The following ITGA9 variants were observed in gnomAD, a reference collection of about 807,000 sequenced individuals.
The protein encoded by ITGA9 is integrin alpha-9.
In ITGA9, 56 loss-of-function variants were observed where a neutral mutation model predicts 127.8. The ratio of observed to expected loss-of-function variants is 0.44; its 90% confidence interval spans 0.35 to 0.55. ITGA9 has a LOEUF of 0.55. Among genes scored for constraint, ITGA9 ranks in the 20% least tolerant of loss-of-function variants. ITGA9 has a pLI of 0.00. For missense variants in ITGA9, 1,196 were observed against 1,347.1 expected, an observed-to-expected ratio of 0.89 and a Z score of 1.76; for synonymous variants, 508 against 514.5, an observed-to-expected ratio of 0.99 and a Z score of 0.17.
rs78640218 is a variant in ITGA9, at chr3:37,777,142, A to T, written c.2542-250A>T. Among the ~76,000 whole-genome samples the T allele has an allele frequency of 0.025, 3,813 of 152,294 alleles. 71 individuals carry two copies. The highest frequency in any genetic ancestry group is 0.037 in the Non-Finnish European group (2,540 of 68,024). ...TTAAGTCTTCCTATTTCCTAGTCAC[A>T]TCTCATTTGCATGTTATATGCCATC... is the stretch of plus-strand genomic sequence containing the variant. On this transcript the variant is annotated intron_variant, in intron 23 of 27. Transcript: ENST00000264741.
chr3:37,611,836 A>C (rs1039577685), intron 15 of ITGA9, among the ~76,000 whole-genome samples: 1 of 152,006 alleles, frequency 6.6e-6, no homozygotes, highest in Non-Finnish European at 1.5e-5. Flanking sequence ...CTGTAAAAGC[A>C]GAGAACACTG....
chr3:37,653,569 A>C, intron 16 of ITGA9, 145 bp from the exon 17 acceptor site: 4 of 754,166 alleles, frequency 5.3e-6, no homozygotes, highest in Non-Finnish European at 9.8e-6. Flanking sequence ...CCCACGCTGG[A>C]GAGCTGGCTT....
At chr3:37,788,415 G>A (rs1697066824) in intron 26 of ITGA9, among the ~76,000 whole-genome samples, 1 of 152,024 alleles carries the variant, frequency 6.6e-6, no homozygotes, top group South Asian at 2.1e-4. Context: ...TTTCTCCACT[G>A]CAAAAAATAA....
chr3:37,612,996 G>A (rs1700038294), intron 15 of ITGA9, among the ~76,000 whole-genome samples: 2 of 151,040 alleles, frequency 1.3e-5, no homozygotes, highest in Admixed American at 6.6e-5. Flanking sequence ...AAGTTTTAGG[G>A]TACATGTGCA....
intron 18 of ITGA9, among the ~76,000 whole-genome samples, chr3:37,726,891 G>A (rs1696213101): frequency 6.6e-6 from 1 of 152,184 alleles, no homozygotes; most frequent in Non-Finnish European, 1.5e-5. Context: ...GATCCTGAGA[G>A]TAATGTGCAG....
intron 2 of ITGA9, 21 bp downstream of exon 2, chr3:37,471,155 TGG>T: frequency 6.2e-7 from 1 of 1,612,384 alleles, no homozygotes; most frequent in South Asian, 1.1e-5. Flanking sequence ...ATTACTGCTG[TGG>T]TGGAAATGGG....
chr3:37,709,696 C>T (rs1219116022), intron 18 of ITGA9, among the ~76,000 whole-genome samples: 1 of 152,216 alleles, frequency 6.6e-6, no homozygotes, highest in African/African-American at 2.4e-5. Flanking sequence ...CAGAAGAAGG[C>T]GTCAGACCTC....
At chr3:37,627,938 C>T (rs1434862114) in intron 15 of ITGA9, among the ~76,000 whole-genome samples, 3 of 152,292 alleles carry the variant, frequency 2.0e-5, no homozygotes, top group East Asian at 3.9e-4. Context: ...GCACATCTGC[C>T]TCTGGGGAAG....
At chr3:37,785,747 G>A (rs930172093) in intron 26 of ITGA9, among the ~76,000 whole-genome samples, 4 of 152,148 alleles carry the variant, frequency 2.6e-5, no homozygotes, top group African/African-American at 9.7e-5. Flanking sequence ...CCAAAACACT[G>A]AGATTACAGG....
At chr3:37,619,311 A>G (rs1031194659) in intron 15 of ITGA9, among the ~76,000 whole-genome samples, 8 of 152,214 alleles carry the variant, frequency 5.3e-5, no homozygotes, top group African/African-American at 1.9e-4. Context: ...TTTTAAGCCC[A>G]CAAATTAAGT....
chr3:37,743,628 GTA>G (rs1309832797), intron 21 of ITGA9, among the ~76,000 whole-genome samples: 2 of 152,174 alleles, frequency 1.3e-5, no homozygotes, highest in South Asian at 4.1e-4. Flanking sequence ...AACAGAAAAT[GTA>G]TACTTTTATA....
At chr3:37,767,321 C>G (rs1696791367) in intron 23 of ITGA9, among the ~76,000 whole-genome samples, 1 of 152,218 alleles carries the variant, frequency 6.6e-6, no homozygotes, top group African/African-American at 2.4e-5. Context: ...CAGTAACACC[C>G]TGACCTTTTC....
chr3:37,575,022 G>A (rs891297521), intron 15 of ITGA9, among the ~76,000 whole-genome samples: 38 of 152,144 alleles, frequency 2.5e-4, no homozygotes, highest in African/African-American at 8.9e-4. Context: ...CTTGAGTCAA[G>A]GGTAATAGGG....
chr3:37,540,620 C>G (rs1466746434), intron 14 of ITGA9, among the ~76,000 whole-genome samples: 1 of 152,198 alleles, frequency 6.6e-6, no homozygotes, highest in Non-Finnish European at 1.5e-5. Flanking sequence ...GCCCTCTGGC[C>G]TGGAGCAAGT....
At chr3:37,578,300 C>T (rs929070036) in intron 15 of ITGA9, among the ~76,000 whole-genome samples, 1 of 152,126 alleles carries the variant, frequency 6.6e-6, no homozygotes, top group African/African-American at 2.4e-5. Context: ...GAGCTCATTT[C>T]ATAAGGATTT....
chr3:37,589,905 C>A (rs535829482), intron 15 of ITGA9, among the ~76,000 whole-genome samples: 1 of 152,130 alleles, frequency 6.6e-6, no homozygotes, highest in Non-Finnish European at 1.5e-5. Context: ...TCTGCATCTC[C>A]TCCCACGCCT....
intron 1 of ITGA9, among the ~76,000 whole-genome samples, chr3:37,465,053 G>GC (rs112544800): frequency 1.8e-4 from 27 of 152,352 alleles, no homozygotes; most frequent in African/African-American, 3.8e-4. Context: ...GGGATCAAAT[G>GC]CTGAAAGCAA....
intron 20 of ITGA9, among the ~76,000 whole-genome samples, chr3:37,738,000 A>C (rs980544001): frequency 2.6e-5 from 4 of 152,242 alleles, no homozygotes; most frequent in African/African-American, 9.7e-5. Context: ...ACTGTAGTAT[A>C]GTTATCACAT....
At chr3:37,557,900 G>C (rs1421148197) in intron 15 of ITGA9, among the ~76,000 whole-genome samples, 2 of 152,216 alleles carry the variant, frequency 1.3e-5, no homozygotes, top group Non-Finnish European at 2.9e-5. Context: ...AAGCAGCCAA[G>C]TCTTGGGTTT....
Sources: allele counts gnomAD v4.1 joint callset (sites outside exome capture counted in the v4.1 genomes callset), GRCh38; gene constraint gnomAD v4.1.1; transcripts MANE v1.5; gene names NCBI Gene and HGNC (gene_info 2026-07-23, HGNC 2026-07-21).